Variants in MSANTD1 observed in about 807,000 individuals in gnomAD.
MSANTD1 encodes myb/SANT-like DNA-binding domain-containing protein 1.
Under a neutral mutation model 24.2 loss-of-function variants are expected in MSANTD1, and 7 were observed. The ratio of observed to expected loss-of-function variants is 0.29; its 90% confidence interval spans 0.16 to 0.54. The LOEUF (loss-of-function observed/expected upper bound fraction) is 0.54, where lower values mean the gene tolerates loss of function less well. Among genes scored for constraint, MSANTD1 ranks in the 20% least tolerant of loss-of-function variants. The probability of loss-of-function intolerance (pLI) is 0.94; values close to 1 mark genes in which losing one functional copy is unlikely to be tolerated. For missense variants in MSANTD1, 384 were observed against 408.2 expected (o/e 0.94, Z 0.51); for synonymous variants, 177 against 181.1 (o/e 0.98, Z 0.18).
intron 1 of MSANTD1, among the ~76,000 whole-genome samples, chr4:3,250,053 C>T (rs980036219): frequency 1.1e-4 from 16 of 152,186 alleles, no homozygotes; most frequent in South Asian, 8.3e-4. Flanking sequence ...CAGTGCTCTG[C>T]GACTTGGAGC....
chr4:3,245,902 C>T (rs1722013803), upstream of MSANTD1, among the ~76,000 whole-genome samples: 1 of 152,172 alleles, frequency 6.6e-6, no homozygotes, highest in African/African-American at 2.4e-5. Flanking sequence ...CCTGTGAGGT[C>T]AGGGTCAGGG....
chr4:3,249,237 CG>C lies in MSANTD1; in HGVS notation c.18del (p.Pro7ArgfsTer5). On this transcript the variant is annotated frameshift_variant, in exon 1 of 3. Transcript: ENST00000438480. LOFTEE classifies it high-confidence loss of function. MVRGAGPGPSLSALSH... is the reference protein window; with the variant it reads MVRGAXPGPSLSALSH... ...GCCTCCCGCCCATGGTGCGTGGGGC[CG>C]GGCCGGGGCCCTCGCTGAGCGCGCT... 7.0e-7 allele frequency: 1 copy of C among 1,423,976 alleles called. No individual in the cohort carries two copies. Among genetic ancestry groups the C allele is most frequent in the Non-Finnish European group, 9.2e-7 (1 of 1,089,964 alleles). 88.2% of individuals were successfully genotyped at this position (1,423,976 alleles called of 1,614,324 possible). A position where few individuals can be genotyped will look rare whatever the true frequency, so the allele number is the denominator to read the frequency against.
At position 3,256,069 on chromosome 4, in the gene MSANTD1, G is replaced by A. The variant is rs1722383670; in HGVS notation, c.*104G>A. 4 of 1,344,522 alleles carry A rather than the reference G, an allele frequency of 3.0e-6. No individual in the cohort carries two copies. The highest frequency in any genetic ancestry group is 1.9e-6 in the Non-Finnish European group (2 of 1,036,620). The allele number at this position is 1,344,522 out of a possible 1,614,324, so 83.3% of individuals were successfully genotyped here. Reference sequence around the variant, plus strand: ...GGCGGGCAAGGGGGCCGCCCCGCGAGCGGAGACCGCCTTCCACCTGGCCTC... The same window carrying A: ...GGCGGGCAAGGGGGCCGCCCCGCGAACGGAGACCGCCTTCCACCTGGCCTC... On this transcript the variant is annotated 3_prime_UTR_variant, in exon 3 of 3. Transcript: ENST00000438480.
upstream of MSANTD1, chr4:3,248,964 G>A (rs890212004): frequency 2.2e-5 from 8 of 364,990 alleles, no homozygotes; most frequent in African/African-American, 8.4e-5. Context: ...AGGCAGGGCC[G>A]GGAGCCGGGC....
chr4:3,255,972 A>AGGCGGC lies in MSANTD1; in HGVS notation c.*19_*24dup, dbSNP rs750401504. On this transcript the variant is annotated 3_prime_UTR_variant, in exon 3 of 3. Transcript: ENST00000438480. ...CACCAAGTCCAGCGTCTAGGCCAGCAGGCGGCGGCGGCGGCGGGGCCGGGC... is the reference window on the plus strand; with the variant it reads ...CACCAAGTCCAGCGTCTAGGCCAGCAGGCGGCGGCGGCGGCGGCGGCGGGGCCGGGC... The AGGCGGC allele has an allele frequency of 2.4e-4, 368 of 1,509,246 alleles. No homozygotes were observed. In the East Asian group the frequency reaches 3.6e-3, roughly 15 times the overall value. The allele number at this position is 1,509,246 out of a possible 1,614,324, so 93.5% of individuals were successfully genotyped here.
intron 1 of MSANTD1, 122 bp from the exon 2 acceptor site, chr4:3,253,085 C>A: frequency 9.4e-7 from 1 of 1,069,048 alleles, no homozygotes; most frequent in Non-Finnish European, 1.3e-6. Flanking sequence ...TGGGGAGGCC[C>A]TTGCCAGCCG....
chr4:3,249,344 G>A lies in MSANTD1; in HGVS notation c.122G>A (p.Arg41Gln), dbSNP rs754304947. 3.2e-6 allele frequency: 5 copies of A among 1,552,686 alleles called. No homozygotes were observed. Among genetic ancestry groups the A allele is most frequent in the South Asian group, 1.2e-5 (1 of 84,520 alleles). Residue 41 changes from arginine to glutamine, a missense_variant, in exon 1 of 3, where the codon CGG becomes CAG. Physicochemically the swap from Arg to Gln is conservative, Grantham distance 43 (BLOSUM62 1). Transcript: ENST00000438480. ...GTGTCTCCCCAGGCGGAGAAGCACC[G>A]GCGGGCCCGCAACTGGACGGACGCC... is the stretch of plus-strand genomic sequence containing the variant. ...YLVSPQAEKH[R>Q]RARNWTDAEM...
chr4:3,255,696 C>CA (rs1275332216), intron 2 of MSANTD1, 29 bp from the exon 3 acceptor site: 1 of 1,500,440 alleles, frequency 6.7e-7, no homozygotes, highest in Admixed American at 2.1e-5. Context: ...CTGTGGCCAG[C>CA]ACGTCCACAG....
Position 3,255,837 on chromosome 4 carries a change from G to T in MSANTD1, c.709G>T (p.Val237Leu). Residue 237 changes from valine (V) to leucine (L), a missense_variant, in exon 3 of 3, where the codon GTG (valine) becomes TTG (leucine). Physicochemically the swap from Val to Leu is conservative, Grantham distance 32. Coordinates refer to ENST00000438480, the MANE Select transcript of MSANTD1 (RefSeq NM_001042690.2). ...GGAGCAGCGCCGGCTGAGCCGCGCC[G>T]TGGAGGAGACCTGCCGCGAGGTGCG... ...VEEQRRLSRA[V>L]EETCREVRRV... is the part of the protein sequence containing the mutation. 6.5e-7 allele frequency: 1 copy of T among 1,545,642 alleles called. No homozygotes were observed. Among genetic ancestry groups the T allele is most frequent in the Non-Finnish European group, 8.7e-7 (1 of 1,146,588 alleles).
intron 1 of MSANTD1, 27 bp from the exon 2 acceptor site, chr4:3,253,180 C>T (rs576661132): frequency 1.3e-6 from 2 of 1,522,518 alleles, no homozygotes; most frequent in South Asian, 1.3e-5. Context: ...TGTTTCTCAC[C>T]CTTGGCTCTT....
At chr4:3,244,936 T>G (rs1334153962), upstream of MSANTD1, 1 of 152,286 alleles carries the variant, frequency 6.6e-6, no homozygotes, top group Non-Finnish European at 1.5e-5. Context: ...AGGGATGTGG[T>G]GGACAGGCCT....
chr4:3,246,045 C>T (rs1447220130), upstream of MSANTD1, among the ~76,000 whole-genome samples: 1 of 152,198 alleles, frequency 6.6e-6, no homozygotes, highest in Non-Finnish European at 1.5e-5. Flanking sequence ...TGGATCCTGG[C>T]CCCTGTACCC....
At chr4:3,253,639 A>G (rs906748790) in intron 2 of MSANTD1, among the ~76,000 whole-genome samples, 157 bp downstream of exon 2, 1 of 152,228 alleles carries the variant, frequency 6.6e-6, no homozygotes, top group African/African-American at 2.4e-5. Flanking sequence ...GCCTCAGACC[A>G]GGGAGGGCTT....
chr4:3,253,990 C>T (rs987269755), intron 2 of MSANTD1, among the ~76,000 whole-genome samples: 1 of 152,204 alleles, frequency 6.6e-6, no homozygotes, highest in South Asian at 2.1e-4. Flanking sequence ...CCTCTGCCAT[C>T]CATCCCACAC....
chr4:3,246,451 G>GGA, upstream of MSANTD1: 2 of 435,052 alleles, frequency 4.6e-6, no homozygotes, highest in Non-Finnish European at 8.1e-6. Context: ...GAGTCTAGTT[G>GGA]GGCCCAGCCT....
Position 3,253,502 on chromosome 4 carries a change from T to C in MSANTD1, c.596+20T>C. On this transcript the variant is annotated intron_variant, in intron 2 of 2. Coordinates refer to ENST00000438480, the MANE Select transcript of MSANTD1 (RefSeq NM_001042690.2). ...GTTCAGGTAGTGTGTCTGCTTGTCCTTCCCCTGCCCTGGGGTATCTCAGCC... is the reference window on the plus strand; with the variant it reads ...GTTCAGGTAGTGTGTCTGCTTGTCCCTCCCCTGCCCTGGGGTATCTCAGCC... The C allele has an allele frequency of 6.7e-7, 1 of 1,498,184 alleles. No homozygotes were observed. The highest frequency in any genetic ancestry group is 8.9e-7 in the Non-Finnish European group (1 of 1,117,456). The allele number at this position is 1,498,184 out of a possible 1,614,324, so 92.8% of individuals were successfully genotyped here. A position where few individuals can be genotyped will look rare whatever the true frequency, so the allele number is the denominator to read the frequency against.
At chr4:3,255,650 G>C (rs560638908) in intron 2 of MSANTD1, 75 bp from the exon 3 acceptor site, 15 of 1,434,036 alleles carry the variant, frequency 1.0e-5, no homozygotes, top group Non-Finnish European at 2.7e-6. Flanking sequence ...TAGGATTGTC[G>C]GGAGGGTCCG....
At chr4:3,245,900 G>A (rs362293), upstream of MSANTD1, among the ~76,000 whole-genome samples, 2,019 of 152,302 alleles carry the variant, frequency 0.013, 38 homozygotes, top group African/African-American at 0.042. Context: ...GACCTGTGAG[G>A]TCAGGGTCAG....
At chr4:3,248,243 TCCTC>T, upstream of MSANTD1, 1 of 152,246 alleles carries the variant, frequency 6.6e-6, no homozygotes, top group Admixed American at 6.5e-5. Context: ...CAGGCTGTGG[TCCTC>T]CGGCCAGCCT....
Sources: gnomAD v4.1 joint callset for allele counts (sites outside exome capture counted in the v4.1 genomes callset) on GRCh38, gnomAD v4.1.1 for gene constraint, MANE v1.5 for transcripts, NCBI Gene and HGNC (gene_info 2026-07-23, HGNC 2026-07-21) for gene names.